Variants in COL23A1 observed in about 807,000 individuals in gnomAD.
COL23A1 encodes the protein collagen type XXIII alpha 1 chain, also known as collagen alpha-1(XXIII) chain.
In COL23A1, 97 loss-of-function variants were observed where a neutral mutation model predicts 99.3. That is an observed-to-expected ratio of 0.98 (90% CI 0.83 to 1.16). COL23A1 has a LOEUF of 1.16. COL23A1 is among the 50% of genes most tolerant of loss of function. The pLI, the probability that COL23A1 is intolerant of heterozygous loss-of-function variation, is 0.00. For missense variants in COL23A1, 762 were observed against 757.4 expected (o/e 1.01, Z -0.07); for synonymous variants, 320 against 308.2 (o/e 1.04, Z -0.40).
chr5:178,479,583 T>A (rs1328697188), intron 2 of COL23A1, among the ~76,000 whole-genome samples: 2 of 152,182 alleles, frequency 1.3e-5, no homozygotes, highest in East Asian at 3.9e-4. Flanking sequence ...AGAGGGAGTC[T>A]GGGAAATGCC....
intron 5 of COL23A1, among the ~76,000 whole-genome samples, chr5:178,286,363 C>T (rs1328243305): frequency 2.6e-5 from 4 of 152,130 alleles, no homozygotes; most frequent in Admixed American, 1.3e-4. Context: ...GAGGGACGCC[C>T]GCGGGGCTCC....
intron 2 of COL23A1, among the ~76,000 whole-genome samples, chr5:178,525,718 C>T (rs985767939): frequency 7.0e-6 from 1 of 143,248 alleles, no homozygotes; most frequent in African/African-American, 2.5e-5. Flanking sequence ...GGCGACACAG[C>T]GCGCAGACCC....
chr5:178,269,531 C>A (rs1756146292), intron 6 of COL23A1, among the ~76,000 whole-genome samples: 1 of 140,378 alleles, frequency 7.1e-6, no homozygotes, highest in African/African-American at 2.7e-5. Flanking sequence ...ATCCACCCAC[C>A]CATCTATCCA....
chr5:178,416,711 A>T (rs570360850), intron 2 of COL23A1, among the ~76,000 whole-genome samples: 34 of 152,340 alleles, frequency 2.2e-4, no homozygotes, highest in African/African-American at 8.2e-4. Context: ...CAGAGATTAA[A>T]TAACTTGTCC....
Position 178,590,042 on chromosome 5 carries a change from C to T in COL23A1, c.156G>A (p.Leu52=). 4 of 1,351,666 alleles carry T rather than the reference C, an allele frequency of 3.0e-6. No homozygotes were observed. The highest frequency in any genetic ancestry group is 3.8e-6 in the Non-Finnish European group (4 of 1,048,238). The allele number at this position is 1,351,666 out of a possible 1,614,324, so 83.7% of individuals were successfully genotyped here. Reference sequence around the variant, plus strand: ...GCGCGGCCGCCTGGACACCCAGCAGCAGGCAGGCAGCCGCCGAGCCCACGG... The same window carrying T: ...GCGCGGCCGCCTGGACACCCAGCAGTAGGCAGGCAGCCGCCGAGCCCACGG... ...LLSVGSAAAC[L]LLGVQAAALQ... The change falls in exon 1 of 29, where the codon CTG becomes CTA. Residue 52 remains leucine (L), a synonymous_variant. Coordinates refer to ENST00000390654, the MANE Select transcript of COL23A1 (RefSeq NM_173465.4). This position sits in a 1 kb window ranked among gnomAD's most constrained non-coding sequence, Gnocchi z 5.7.
chr5:178,521,947 T>C (rs968720748), intron 2 of COL23A1, among the ~76,000 whole-genome samples: 1 of 152,186 alleles, frequency 6.6e-6, no homozygotes, highest in Non-Finnish European at 1.5e-5. Flanking sequence ...GCACAACATA[T>C]TGGGGATGTA....
chr5:178,444,355 T>C lies in COL23A1; in HGVS notation c.361+116327A>G, dbSNP rs1581401910. 2.0e-5 allele frequency among the ~76,000 whole-genome samples: 3 copies of C among 152,214 alleles called. No homozygotes were observed. In the South Asian group the frequency reaches 6.2e-4, roughly 32 times the overall value. On this transcript the variant is annotated intron_variant, in intron 2 of 28. Coordinates refer to ENST00000390654, the MANE Select transcript of COL23A1 (RefSeq NM_173465.4). ...CAGGGAACTCTGTTGATTATTTCTTTCATATTTGTTTTTCTCTGTTCTCTC... is the reference window on the plus strand; with the variant it reads ...CAGGGAACTCTGTTGATTATTTCTTCCATATTTGTTTTTCTCTGTTCTCTC...
At chr5:178,338,294 C>T (rs570553580) in intron 2 of COL23A1, among the ~76,000 whole-genome samples, 2 of 152,176 alleles carry the variant, frequency 1.3e-5, no homozygotes, top group Non-Finnish European at 2.9e-5. Context: ...GGCCTGATCT[C>T]CAGGAAGTCC....
intron 2 of COL23A1, among the ~76,000 whole-genome samples, chr5:178,373,983 G>A (rs924060186): frequency 2.6e-5 from 4 of 152,262 alleles, no homozygotes; most frequent in South Asian, 2.1e-4. Flanking sequence ...ACCGGCGCCC[G>A]CACCCTTCAA....
rs1461797061 is a variant in COL23A1, at chr5:178,384,700, C to T, written c.362-77781G>A. ...TCAGAGCCAGAAGCCTCCTGGGGGC[C>T]TCACCCACTGAATCAGAGTGCGCGC... On this transcript the variant is annotated intron_variant, in intron 2 of 28. Transcript: ENST00000390654. This position sits in a 1 kb window ranked among gnomAD's most constrained non-coding sequence, Gnocchi z 5.5. Among the ~76,000 whole-genome samples, 1 of 152,190 alleles carries T rather than the reference C, an allele frequency of 6.6e-6. No homozygotes were observed. Among genetic ancestry groups the T allele is most frequent in the East Asian group, 1.9e-4 (1 of 5,184 alleles).
chr5:178,307,918 C>T lies in COL23A1; in HGVS notation c.362-999G>A, dbSNP rs1398784981. Among the ~76,000 whole-genome samples, 1 of 152,184 alleles carries T rather than the reference C, an allele frequency of 6.6e-6. No individual in the cohort carries two copies. Among genetic ancestry groups the T allele is most frequent in the Admixed American group, 6.5e-5 (1 of 15,276 alleles). On this transcript the variant is annotated intron_variant, in intron 2 of 28. Transcript: ENST00000390654. The surrounding 1 kb of genome is among the most constrained non-coding windows in gnomAD (Gnocchi z 4.2). ...TTCCTGCAAAAGCCAACCTCAAACC[C>T]CGTCAAGAATTTCCAGAACAACCAC... is the stretch of plus-strand genomic sequence containing the variant.
intron 2 of COL23A1, among the ~76,000 whole-genome samples, chr5:178,467,779 A>C (rs1338375930): frequency 6.6e-6 from 1 of 152,252 alleles, no homozygotes; most frequent in African/African-American, 2.4e-5. Context: ...TATGGTAAAC[A>C]AAAAACCAGT....
At chr5:178,361,546 A>C in intron 2 of COL23A1, among the ~76,000 whole-genome samples, 1 of 149,836 alleles carries the variant, frequency 6.7e-6, no homozygotes. Context: ...CCTTCTCCCC[A>C]CCTCCACCTT....
At position 178,428,247 on chromosome 5, in the gene COL23A1, T is replaced by A. The variant is rs1384868275; in HGVS notation, c.362-121328A>T. On this transcript the variant is annotated intron_variant, in intron 2 of 28. Transcript: ENST00000390654. This position sits in a 1 kb window ranked among gnomAD's most constrained non-coding sequence, Gnocchi z 5.0. ...GCTGTGGGCTCCCCGAGGCATTTCC[T>A]GGGAGAAGGGTCTCTGGCTTCCCAA... Among the ~76,000 whole-genome samples the A allele has an allele frequency of 6.6e-6, 1 of 152,220 alleles. No individual in the cohort carries two copies. Among genetic ancestry groups the A allele is most frequent in the Non-Finnish European group, 1.5e-5 (1 of 68,026 alleles).
intron 2 of COL23A1, among the ~76,000 whole-genome samples, chr5:178,403,141 A>AAAAAAAAAAAC (rs1764563029): frequency 1.4e-5 from 2 of 146,240 alleles, no homozygotes; most frequent in African/African-American, 5.1e-5. Flanking sequence ...TAAAAAATAA[A>AAAAAAAAAAAC]TACCATTTAC....
chr5:178,455,847 C>T (rs184966179), intron 2 of COL23A1, among the ~76,000 whole-genome samples: 72 of 151,940 alleles, frequency 4.7e-4, no homozygotes, highest in African/African-American at 1.3e-3. Context: ...CAGACTCCAC[C>T]TAAGGCCATT....
chr5:178,499,086 T>C (rs572275355), intron 2 of COL23A1, among the ~76,000 whole-genome samples: 1 of 151,794 alleles, frequency 6.6e-6, no homozygotes, highest in East Asian at 1.9e-4. Context: ...TGAGATTCCA[T>C]CTCAAAAATA....
At position 178,397,473 on chromosome 5, in the gene COL23A1, G is replaced by A. The variant is rs377608238; in HGVS notation, c.362-90554C>T. On this transcript the variant is annotated intron_variant, in intron 2 of 28. Coordinates refer to ENST00000390654, the MANE Select transcript of COL23A1 (RefSeq NM_173465.4). ...TTAACGAAGAAGCCAAAGTCATCAG[G>A]ACACAGAACTCACAACTATACTGCC... Among the ~76,000 whole-genome samples, 30 of 152,310 alleles carry A rather than the reference G, an allele frequency of 2.0e-4. 2 individuals carry two copies. In the South Asian group the frequency reaches 5.2e-3, roughly 26 times the overall value.
In COL23A1 at chr5:178,252,582, G is replaced by A; in HGVS notation, c.976C>T (p.Gln326Ter). The change falls in exon 17 of 29, where the codon CAG becomes TAG. Residue 326 changes from glutamine to a stop codon, truncating the protein, a stop_gained. Transcript: ENST00000390654. LOFTEE classifies it high-confidence loss of function. Reference sequence around the variant, plus strand: ...ATCCCTGGTGGCCCTGGGGGCCCCTGTGGTCCGGGAGGCCCCTGTGTGTGA... The same window carrying A: ...ATCCCTGGTGGCCCTGGGGGCCCCTATGGTCCGGGAGGCCCCTGTGTGTGA... The part of the protein sequence containing the change: ...LDALKGPPGP[Q>*]GPPGPPGIPG... The A allele has an allele frequency of 1.9e-6, 3 of 1,611,140 alleles. No homozygotes were observed. Among genetic ancestry groups the A allele is most frequent in the Non-Finnish European group, 2.5e-6 (3 of 1,178,864 alleles).
Sources: allele counts gnomAD v4.1 joint callset (sites outside exome capture counted in the v4.1 genomes callset), GRCh38; gene constraint gnomAD v4.1.1; non-coding constraint Gnocchi (gnomAD v3.1); transcripts MANE v1.5; gene names NCBI Gene and HGNC (gene_info 2026-07-23, HGNC 2026-07-21).